The following PCDH15 variants were observed in gnomAD, a reference collection of about 807,000 sequenced individuals.
PCDH15 encodes the protein protocadherin-15.
Under a neutral mutation model 178.5 loss-of-function variants are expected in PCDH15, and 129 were observed. The ratio of observed to expected loss-of-function variants is 0.72; its 90% CI spans 0.63 to 0.84. PCDH15 has a LOEUF of 0.84. Ranked by LOEUF, PCDH15 falls within the 40% of genes least tolerant of loss-of-function variation. The probability of loss-of-function intolerance (pLI) is 0.00; values close to 1 mark genes in which losing one functional copy is unlikely to be tolerated. For synonymous variants in PCDH15, 800 were observed against 732.0 expected (o/e 1.09, Z -1.50); for missense variants, 2,230 against 2,099.9 (o/e 1.06, Z -1.21).
At chr10:55,100,392 C>T (rs1842548181) in intron 2 of PCDH15, among the ~76,000 whole-genome samples, 1 of 152,052 alleles carries the variant, frequency 6.6e-6, no homozygotes, top group Admixed American at 6.6e-5. Context: ...ATTTAGTTAG[C>T]ACCGTACTCT....
chr10:54,825,532 C>T (rs1333917765), intron 3 of PCDH15, among the ~76,000 whole-genome samples: 3 of 146,666 alleles, frequency 2.0e-5, no homozygotes, highest in African/African-American at 7.6e-5. Flanking sequence ...CTCTCCAGCA[C>T]CTGTTGTTTC....
intron 3 of PCDH15, among the ~76,000 whole-genome samples, chr10:54,406,143 T>C (rs1261172571): frequency 6.6e-6 from 1 of 152,166 alleles, no homozygotes; most frequent in East Asian, 1.9e-4. Context: ...GTATTAACAA[T>C]ACACATTATG....
chr10:55,496,862 A>G (rs1468229227), intron 2 of PCDH15, among the ~76,000 whole-genome samples: 1 of 151,840 alleles, frequency 6.6e-6, no homozygotes, highest in Non-Finnish European at 1.5e-5. Flanking sequence ...ATAATTGGCT[A>G]GGTTTTGAAA....
intron 2 of PCDH15, among the ~76,000 whole-genome samples, chr10:55,504,761 T>A (rs1274184492): frequency 6.6e-6 from 1 of 151,390 alleles, no homozygotes; most frequent in Non-Finnish European, 1.5e-5. Context: ...CTGTATTGTA[T>A]CTTACATACA....
At chr10:54,243,197 T>G (rs777251225) in intron 8 of PCDH15, among the ~76,000 whole-genome samples, 2 of 152,192 alleles carry the variant, frequency 1.3e-5, no homozygotes, top group Non-Finnish European at 2.9e-5. Flanking sequence ...ATTTGTACAC[T>G]TCCTTTAACA....
intron 2 of PCDH15, among the ~76,000 whole-genome samples, chr10:55,607,233 A>T (rs1843242255): frequency 6.6e-6 from 1 of 151,826 alleles, no homozygotes; most frequent in Non-Finnish European, 1.5e-5. Flanking sequence ...GCAATCATTA[A>T]AAAGTCAGGA....
chr10:55,485,029 G>A (rs962516112), intron 2 of PCDH15, among the ~76,000 whole-genome samples: 1 of 151,604 alleles, frequency 6.6e-6, no homozygotes, highest in African/African-American at 2.4e-5. Flanking sequence ...GCAAAAATAG[G>A]CAAATGGGAT....
At chr10:55,467,345 GGAAAA>G in intron 2 of PCDH15, among the ~76,000 whole-genome samples, 1 of 149,160 alleles carries the variant, frequency 6.7e-6, no homozygotes, top group African/African-American at 2.5e-5. Context: ...GGAAACAGGA[GGAAAA>G]GAAAAGCCTG....
At chr10:54,810,496 A>T (rs1021862715) in intron 3 of PCDH15, among the ~76,000 whole-genome samples, 2 of 152,162 alleles carry the variant, frequency 1.3e-5, no homozygotes, top group East Asian at 1.9e-4. Flanking sequence ...TAGACGTAAC[A>T]TCAACAAATT....
At chr10:55,010,481 G>A (rs1840023640) in intron 2 of PCDH15, among the ~76,000 whole-genome samples, 2 of 152,108 alleles carry the variant, frequency 1.3e-5, no homozygotes, top group Non-Finnish European at 2.9e-5. Context: ...TTGGGTAGGA[G>A]GCATAATGTA....
At chr10:55,608,083 C>A (rs1057169191) in intron 2 of PCDH15, among the ~76,000 whole-genome samples, 1 of 151,938 alleles carries the variant, frequency 6.6e-6, no homozygotes, top group Admixed American at 6.6e-5. Context: ...TAGATAAAGA[C>A]GGGAGCGTCT....
At chr10:55,220,912 A>G (rs901799249) in intron 1 of PCDH15, among the ~76,000 whole-genome samples, 1 of 151,910 alleles carries the variant, frequency 6.6e-6, no homozygotes. Flanking sequence ...TCTAGGTAAA[A>G]TTTATAATTA....
chr10:54,509,527 T>C (rs2081460078), intron 3 of PCDH15, among the ~76,000 whole-genome samples: 1 of 152,154 alleles, frequency 6.6e-6, no homozygotes, highest in African/African-American at 2.4e-5. Flanking sequence ...TTATTTCTTA[T>C]TATTACATAT....
At chr10:55,547,050 C>A (rs769370355) in intron 2 of PCDH15, among the ~76,000 whole-genome samples, 1 of 152,038 alleles carries the variant, frequency 6.6e-6, no homozygotes, top group Non-Finnish European at 1.5e-5. Context: ...AGATTCAGAA[C>A]AAAGAATACC....
chr10:55,571,977 C>T (rs575620788), intron 2 of PCDH15, among the ~76,000 whole-genome samples: 6 of 152,096 alleles, frequency 3.9e-5, no homozygotes, highest in South Asian at 4.1e-4. Context: ...TATAAACTTC[C>T]TTCAAATAAT....
At chr10:54,875,470 A>G (rs1461353330) in intron 3 of PCDH15, among the ~76,000 whole-genome samples, 1 of 152,162 alleles carries the variant, frequency 6.6e-6, no homozygotes, top group Non-Finnish European at 1.5e-5. Context: ...TTAGTGAAGA[A>G]TACATATTTA....
At chr10:55,278,122 T>C (rs1456187934) in intron 1 of PCDH15, among the ~76,000 whole-genome samples, 2 of 152,186 alleles carry the variant, frequency 1.3e-5, no homozygotes, top group Non-Finnish European at 2.9e-5. Flanking sequence ...GATATGTTAA[T>C]ATGCGGTTGA....
chr10:55,123,645 T>C (rs1169864362), intron 2 of PCDH15, among the ~76,000 whole-genome samples: 1 of 152,060 alleles, frequency 6.6e-6, no homozygotes, highest in East Asian at 1.9e-4. Flanking sequence ...TAAGCAGACA[T>C]GAAGGAGAGC....
rs149096917 is a variant in PCDH15 at position 55,529,906 on chromosome 10, G to A, written c.-156+97719C>T. Among the ~76,000 whole-genome samples the A allele has an allele frequency of 5.8e-3, 876 of 150,646 alleles. 8 individuals carry two copies. The highest frequency in any genetic ancestry group is 0.021 in the African/African-American group (847 of 41,116). On this transcript the variant is annotated intron_variant, in intron 2 of 5. Coordinates refer to the PCDH15 transcript ENST00000613346. The stretch of plus-strand genomic sequence containing the variant: ...ATATGCTACGTTAATGCTCCTCAAA[G>A]TATTTACTTACAAATTAGTAGGAAT...
Sources: allele counts gnomAD v4.1 joint callset (sites outside exome capture counted in the v4.1 genomes callset), GRCh38; gene constraint gnomAD v4.1.1; transcripts MANE v1.5; gene names NCBI Gene and HGNC (gene_info 2026-07-23, HGNC 2026-07-21).